Variants in DOCK8 observed in about 807,000 individuals in gnomAD.
The protein encoded by DOCK8 is dedicator of cytokinesis 8.
A neutral mutation model predicts 245.6 loss-of-function variants in DOCK8; 141 were observed. The observed-to-expected ratio is 0.57, with a 90% confidence interval of 0.50 to 0.66. The LOEUF (loss-of-function observed/expected upper bound fraction) is 0.66. Ranked by LOEUF, DOCK8 falls within the 30% of genes least tolerant of loss-of-function variation. The pLI is 0.00. For missense variants in DOCK8, 2,965 were observed against 2,603.4 expected, an observed-to-expected ratio of 1.14 and a Z score of -3.02; for synonymous variants, 1,168 against 970.2, an observed-to-expected ratio of 1.20 and a Z score of -3.79.
chr9:380,031 G>A lies in DOCK8; in HGVS notation c.2605+96G>A, dbSNP rs555795692. On this transcript the variant is annotated intron_variant, in intron 21 of 47. Transcript: ENST00000432829. ...CAAAATAAAACATCCTATGCTGGGT[G>A]CAGGGGCTCACATCTGCAACCCCAG... The A allele has an allele frequency of 9.1e-6, 13 of 1,432,744 alleles. No individual in the cohort carries two copies. In the African/African-American group the frequency reaches 1.7e-4, roughly 19 times the overall value. The allele number at this position is 1,432,744 out of a possible 1,614,324, so 88.8% of individuals were successfully genotyped here.
At chr9:330,215 GA>G (rs2050947159) in intron 9 of DOCK8, among the ~76,000 whole-genome samples, 1 of 152,022 alleles carries the variant, frequency 6.6e-6, no homozygotes, top group South Asian at 2.1e-4. Flanking sequence ...TTTTTAAAAA[GA>G]ATTTGTTTTA....
intron 22 of DOCK8, 138 bp from the exon 23 acceptor site, chr9:386,193 C>T (rs1461145156): frequency 1.4e-5 from 10 of 710,892 alleles, no homozygotes; most frequent in Admixed American, 2.1e-5. Flanking sequence ...TTTATATTTA[C>T]TTATGGCAAT....
Position 382,507 on chromosome 9 carries a change from G to C in DOCK8, c.2606-6G>C. On this transcript the variant is annotated splice_region_variant and splice_polypyrimidine_tract_variant and intron_variant, in intron 21 of 47. Coordinates refer to ENST00000432829, the MANE Select transcript of DOCK8 (RefSeq NM_203447.4). ...TGTTGACATGTCTCTGCCTGGTGGG[G>C]TGCAGGCGCTCCCACTGCCCTCCTA... is the stretch of plus-strand genomic sequence containing the variant. The C allele has an allele frequency of 6.2e-7, 1 of 1,613,456 alleles. No individual in the cohort carries two copies. The highest frequency in any genetic ancestry group is 1.1e-5 in the South Asian group (1 of 91,050).
chr9:311,184 C>T (rs1341303748), intron 5 of DOCK8, among the ~76,000 whole-genome samples: 4 of 151,842 alleles, frequency 2.6e-5, no homozygotes, highest in African/African-American at 9.7e-5. Flanking sequence ...GCTAGGGAGG[C>T]CGACGCAGGA....
At chr9:311,113 C>A (rs771993697) in intron 5 of DOCK8, among the ~76,000 whole-genome samples, 15 of 152,026 alleles carry the variant, frequency 9.9e-5, no homozygotes, top group Non-Finnish European at 2.1e-4. Flanking sequence ...TGGTGAAACC[C>A]TATCTCTACT....
At chr9:317,276 C>G in intron 7 of DOCK8, 148 bp downstream of exon 7, 2 of 709,344 alleles carry the variant, frequency 2.8e-6, no homozygotes, top group Admixed American at 2.1e-5. Flanking sequence ...AGAAAGGGCA[C>G]GTTTGAGTCC....
At chr9:304,243 A>G (rs996822161) in intron 4 of DOCK8, among the ~76,000 whole-genome samples, 3 of 152,166 alleles carry the variant, frequency 2.0e-5, no homozygotes, top group African/African-American at 7.2e-5. Flanking sequence ...GCACATTGCT[A>G]GATTTATTCC....
At chr9:372,404 C>G in intron 18 of DOCK8, 118 bp downstream of exon 18, 1 of 832,430 alleles carries the variant, frequency 1.2e-6, no homozygotes, top group Non-Finnish European at 2.1e-6. Context: ...TCAGAGAGCA[C>G]ATTGTTCTGA....
chr9:394,731 C>G (rs2054366501), intron 24 of DOCK8, among the ~76,000 whole-genome samples: 1 of 152,214 alleles, frequency 6.6e-6, no homozygotes, highest in African/African-American at 2.4e-5. Flanking sequence ...GGTACCCTTA[C>G]TTTAAATGGG....
intron 7 of DOCK8, among the ~76,000 whole-genome samples, chr9:325,136 CATTA>C (rs71314704): frequency 0.89 from 134,991 of 151,872 alleles, 60,009 homozygotes; most frequent in African/African-American, 0.92. Context: ...CTGCAAAAGA[CATTA>C]ATTATTTCCT....
Position 402,890 on chromosome 9 carries a change from G to A in DOCK8, c.3235-2028G>A, listed in dbSNP as rs143500664. Among the ~76,000 whole-genome samples the A allele has an allele frequency of 4.4e-3, 671 of 152,204 alleles. 4 individuals are homozygous for A. The highest frequency in any genetic ancestry group is 0.014 in the African/African-American group (596 of 41,546). On this transcript the variant is annotated intron_variant, in intron 26 of 47. Coordinates refer to ENST00000432829, the MANE Select transcript of DOCK8 (RefSeq NM_203447.4). ...ACATCACTCAAATTGTTTTTGAAAT[G>A]TCTATTTTTTTTCTTTTGAGATGGA...
Position 230,001 on chromosome 9 carries a change from C to A in DOCK8, c.53+14972C>A, listed in dbSNP as rs549140108. On this transcript the variant is annotated intron_variant, in intron 1 of 47. Coordinates refer to ENST00000432829, the MANE Select transcript of DOCK8 (RefSeq NM_203447.4). ...CATGTGCCATGTTGGTGTGCTGCAC[C>A]CATTAACTCATCATTTAGCATTAGG... 2.1e-3 allele frequency among the ~76,000 whole-genome samples: 314 copies of A among 150,128 alleles called. 1 individual carries two copies. The highest frequency in any genetic ancestry group is 3.7e-3 in the Non-Finnish European group (248 of 67,590).
chr9:451,498 C>G (rs1303545379), intron 45 of DOCK8, among the ~76,000 whole-genome samples: 2 of 151,986 alleles, frequency 1.3e-5, no homozygotes, highest in African/African-American at 4.8e-5. Context: ...TGGCACACAC[C>G]TGTAGTCTCA....
chr9:372,100 G>A (rs2053312122), intron 17 of DOCK8, 85 bp from the exon 18 acceptor site: 7 of 1,192,098 alleles, frequency 5.9e-6, no homozygotes, highest in South Asian at 1.3e-5. Flanking sequence ...CTGTTTAGTT[G>A]CATTTGATTA....
intron 1 of DOCK8, among the ~76,000 whole-genome samples, chr9:221,360 G>A (rs761701068): frequency 6.6e-6 from 1 of 152,086 alleles, no homozygotes; most frequent in East Asian, 1.9e-4. Context: ...GCCAACCACA[G>A]ATCAAAAATA....
intron 26 of DOCK8, 36 bp downstream of exon 26, chr9:399,295 C>T (rs754769547): frequency 7.2e-7 from 1 of 1,396,582 alleles, no homozygotes; most frequent in South Asian, 1.2e-5. Context: ...CCGAGCGAGC[C>T]ACTTGGTTCC....
chr9:373,361 CA>C (rs1246816635), intron 18 of DOCK8, among the ~76,000 whole-genome samples: 1 of 152,082 alleles, frequency 6.6e-6, no homozygotes, highest in African/African-American at 2.4e-5. Flanking sequence ...TGTTTTTAAC[CA>C]TCACAATACC....
chr9:287,034 C>G (rs2048852208), intron 3 of DOCK8, among the ~76,000 whole-genome samples: 1 of 152,176 alleles, frequency 6.6e-6, no homozygotes, highest in African/African-American at 2.4e-5. Context: ...TGAAATGCCA[C>G]CATCCAGAAG....
Position 215,273 on chromosome 9 carries a change from G to C in DOCK8, c.53+244G>C, listed in dbSNP as rs775099204. 9.3e-6 allele frequency: 15 copies of C among 1,606,224 alleles called. No homozygotes were observed. In the South Asian group the frequency reaches 1.4e-4, roughly 15 times the overall value. On this transcript the variant is annotated intron_variant, in intron 1 of 47. Coordinates refer to ENST00000432829, the MANE Select transcript of DOCK8 (RefSeq NM_203447.4). ...TCGGTGCTCCTGGATGTCCTCAGCC[G>C]CCGGGGATCCCTTCCCCGAACAACC...
Sources: gnomAD v4.1 joint callset for allele counts (sites outside exome capture counted in the v4.1 genomes callset) on GRCh38, gnomAD v4.1.1 for gene constraint, MANE v1.5 for transcripts, NCBI Gene and HGNC (gene_info 2026-07-23, HGNC 2026-07-21) for gene names.